The following KCNT1 variants were observed in gnomAD, a reference collection of about 807,000 sequenced individuals.
KCNT1 encodes potassium sodium-activated channel subfamily T member 1.
A neutral mutation model predicts 147.8 loss-of-function variants in KCNT1; 78 were observed. The ratio of observed to expected loss-of-function variants is 0.53; its 90% confidence interval spans 0.44 to 0.64. The LOEUF is 0.64. Ranked by LOEUF, KCNT1 falls within the 30% of genes least tolerant of loss-of-function variation. The pLI, the probability that KCNT1 is intolerant of heterozygous loss-of-function variation, is 0.00. For missense variants in KCNT1, 1,419 were observed against 1,750.3 expected (o/e 0.81, Z 3.38); for synonymous variants, 867 against 748.8 (o/e 1.16, Z -2.58).
chr9:135,785,361 C>T (rs368880080), intron 28 of KCNT1, 31 bp downstream of exon 28: 248 of 1,612,740 alleles, frequency 1.5e-4, no homozygotes, highest in Non-Finnish European at 2.0e-4. Context: ...CACGCAGCTT[C>T]TGCGGAGCAC....
intron 10 of KCNT1, among the ~76,000 whole-genome samples, chr9:135,759,345 C>T (rs538646833): frequency 1.3e-5 from 2 of 152,340 alleles, no homozygotes; most frequent in East Asian, 3.9e-4. Context: ...CCCTGCATCC[C>T]CTGCTCCCAG....
chr9:135,703,375 G>A (rs959683017), intron 1 of KCNT1, among the ~76,000 whole-genome samples: 2 of 152,160 alleles, frequency 1.3e-5, no homozygotes, highest in African/African-American at 4.8e-5. Flanking sequence ...GTTTCCCCGA[G>A]TGTAAAATGA....
Position 135,778,519 on chromosome 9 carries a change from C to T in KCNT1, c.2594+24C>T, listed in dbSNP as rs749381122. 45 of 1,596,680 alleles carry T rather than the reference C, an allele frequency of 2.8e-5. No homozygotes were observed. In the Admixed American group the frequency reaches 3.0e-4, roughly 10 times the overall value. ...AAGTAAGGCGTGGCCGGCCGAGGCT[C>T]GTGGGGGCTCCACACCCACCCCTCC... On this transcript the variant is annotated intron_variant, in intron 22 of 30. Transcript: ENST00000371757.
At chr9:135,766,366 G>A (rs1832285822) in intron 13 of KCNT1, among the ~76,000 whole-genome samples, 2 of 152,012 alleles carry the variant, frequency 1.3e-5, no homozygotes. Context: ...GATCTCTAGG[G>A]TGGACCATCC....
intron 17 of KCNT1, 95 bp downstream of exon 17, chr9:135,770,542 G>C: frequency 6.8e-7 from 1 of 1,477,666 alleles, no homozygotes. Flanking sequence ...GTGGCCCTGG[G>C]GCGGGGCTGC....
chr9:135,757,178 TC>T lies in KCNT1; in HGVS notation c.625del (p.Arg209AlafsTer8), dbSNP rs1377365710. 1 of 1,603,766 alleles carries T rather than the reference TC, an allele frequency of 6.2e-7. No homozygotes were observed. The highest frequency in any genetic ancestry group is 1.7e-5 in the Admixed American group (1 of 59,486). On this transcript the variant is annotated frameshift_variant, in exon 8 of 31. Coordinates refer to ENST00000371757, the MANE Select transcript of KCNT1 (RefSeq NM_020822.3). LOFTEE classifies it high-confidence loss of function. ...SYKGNIWEQI[F>X]RVSFVLEMIN... is the part of the protein sequence containing the mutation. ...CAGGGCAACATCTGGGAGCAGATCT[TC>T]CGCGTGTCCTTCGTCCTGGAGATGA... is the stretch of plus-strand genomic sequence containing the variant.
At chr9:135,787,955 TTTCTGGTGACCGACTCGC>T in intron 29 of KCNT1, 1 of 686,344 alleles carries the variant, frequency 1.5e-6, no homozygotes, top group Non-Finnish European at 2.7e-6. Context: ...AGCAACTGCC[TTTCTGGTGACCGACTCGC>T]TTCTGGTGGC....
intron 2 of KCNT1, among the ~76,000 whole-genome samples, chr9:135,726,276 C>G (rs905696202): frequency 1.3e-5 from 2 of 151,988 alleles, no homozygotes; most frequent in African/African-American, 2.4e-5. Flanking sequence ...CAGCAGCCCC[C>G]GGGGGAGACT....
chr9:135,715,763 TGAA>T (rs1447826906), intron 2 of KCNT1, among the ~76,000 whole-genome samples: 1 of 152,176 alleles, frequency 6.6e-6, no homozygotes, highest in Admixed American at 6.5e-5. Context: ...ATGAGGACCA[TGAA>T]GATTTGTAAA....
At chr9:135,704,048 G>A (rs1290893655) in intron 1 of KCNT1, among the ~76,000 whole-genome samples, 1 of 152,254 alleles carries the variant, frequency 6.6e-6, no homozygotes. Context: ...TGAGCTCCAG[G>A]TGAGGCCAAG....
chr9:135,742,862 T>C (rs1304237873), intron 2 of KCNT1: 4 of 716,244 alleles, frequency 5.6e-6, no homozygotes, highest in Non-Finnish European at 7.8e-6. Context: ...ACAAGGGCTC[T>C]TAGAGGTGTG....
Position 135,781,157 on chromosome 9 carries a change from C to G in KCNT1, c.2841+1687C>G, listed in dbSNP as rs373628118. Among the ~76,000 whole-genome samples the G allele has an allele frequency of 2.4e-4, 36 of 152,366 alleles. No individual in the cohort carries two copies. In the South Asian group the frequency reaches 7.5e-3, roughly 32 times the overall value. Reference sequence around the variant, plus strand: ...CTCCATCTCAGAGCAGTGAACAGTCCTGGGCTCCAGCTCCAGTCATGCGAT... The same window carrying G: ...CTCCATCTCAGAGCAGTGAACAGTCGTGGGCTCCAGCTCCAGTCATGCGAT... On this transcript the variant is annotated intron_variant, in intron 24 of 30. Transcript: ENST00000371757.
At chr9:135,709,559 AGCCGATCACTGGC>A (rs1444325928) in intron 1 of KCNT1, among the ~76,000 whole-genome samples, 1 of 152,212 alleles carries the variant, frequency 6.6e-6, no homozygotes, top group Non-Finnish European at 1.5e-5. Context: ...CTGTAACCAC[AGCCGATCACTGGC>A]GCAGGAGACC....
chr9:135,750,324 A>T, intron 3 of KCNT1, 147 bp downstream of exon 3: 51 of 467,898 alleles, frequency 1.1e-4, no homozygotes, highest in East Asian at 2.8e-4. Context: ...GGCATTTGGA[A>T]GCAGGGTGGG....
rs185648578 is a variant in KCNT1 at position 135,734,872 on chromosome 9, A to G, written c.255-15226A>G. Among the ~76,000 whole-genome samples the G allele has an allele frequency of 2.5e-3, 387 of 152,232 alleles. 1 individual carries two copies. The highest frequency in any genetic ancestry group is 4.7e-3 in the Non-Finnish European group (317 of 67,996). On this transcript the variant is annotated intron_variant, in intron 2 of 30. Transcript: ENST00000371757. ...CCATGTATGGGCAGCCCTGATGTCC[A>G]TCGGCCCTTTGTGCAGTCATGGCGC...
rs1286811857 is a variant in KCNT1, at chr9:135,752,544, G to A, written c.435-1393G>A. 2.1e-5 allele frequency: 9 copies of A among 423,814 alleles called. No homozygotes were observed. Among genetic ancestry groups the A allele is most frequent in the Admixed American group, 8.0e-5 (3 of 37,466 alleles). 26.3% of individuals were successfully genotyped at this position (423,814 alleles called of 1,614,324 possible). ...CCCAAGTCTGTTGTGTTCACTGCCC[G>A]TCCCCTAGCACAGCGTCCAGGACAT... On this transcript the variant is annotated intron_variant, in intron 4 of 30. Coordinates refer to ENST00000371757, the MANE Select transcript of KCNT1 (RefSeq NM_020822.3). The surrounding 1 kb of genome is among the most constrained non-coding windows in gnomAD (Gnocchi z 5.1).
chr9:135,733,284 C>T (rs1248230894), intron 2 of KCNT1, among the ~76,000 whole-genome samples: 1 of 106,494 alleles, frequency 9.4e-6, no homozygotes, highest in African/African-American at 3.8e-5. Flanking sequence ...CACCTGCCCC[C>T]CACACCTGCC....
intron 2 of KCNT1, among the ~76,000 whole-genome samples, chr9:135,736,237 C>T (rs1465117835): frequency 6.6e-6 from 1 of 152,178 alleles, no homozygotes; most frequent in Non-Finnish European, 1.5e-5. Flanking sequence ...CCATCCTGAG[C>T]GCCAGGCCTG....
intron 2 of KCNT1, among the ~76,000 whole-genome samples, chr9:135,726,797 C>T (rs1235053077): frequency 1.4e-5 from 2 of 144,056 alleles, no homozygotes; most frequent in African/African-American, 5.2e-5. Context: ...CTTTCCTATT[C>T]TCTCTCTCTC....
Sources: allele counts gnomAD v4.1 joint callset (sites outside exome capture counted in the v4.1 genomes callset), GRCh38; gene constraint gnomAD v4.1.1; non-coding constraint Gnocchi (gnomAD v3.1); transcripts MANE v1.5; gene names NCBI Gene and HGNC (gene_info 2026-07-23, HGNC 2026-07-21).